Variants in MFHAS1 observed in about 807,000 individuals in gnomAD.
MFHAS1 encodes multifunctional ROCO family signaling regulator 1.
In MFHAS1, 50 loss-of-function variants were observed where a neutral mutation model predicts 70.4. The observed-to-expected ratio is 0.71, with a 90% CI of 0.57 to 0.90. MFHAS1 has a LOEUF of 0.90. MFHAS1 is among the 40% of genes least tolerant of loss of function. MFHAS1 has a pLI of 0.00. For missense variants in MFHAS1, 1,795 were observed against 1,347.6 expected (o/e 1.33, Z -5.20); for synonymous variants, 952 against 620.0 (o/e 1.54, Z -7.96).
At chr8:8,799,570 A>G (rs1806016765) in intron 1 of MFHAS1, among the ~76,000 whole-genome samples, 1 of 152,200 alleles carries the variant, frequency 6.6e-6, no homozygotes, top group African/African-American at 2.4e-5. Context: ...AGCCTGGCCA[A>G]CATGGTAAAA....
intron 1 of MFHAS1, among the ~76,000 whole-genome samples, chr8:8,820,475 C>T (rs1277863552): frequency 2.0e-5 from 3 of 152,194 alleles, no homozygotes; most frequent in Non-Finnish European, 4.4e-5. Flanking sequence ...TATTTGGTCC[C>T]AATTCCTTTA....
intron 1 of MFHAS1, among the ~76,000 whole-genome samples, chr8:8,839,786 G>C (rs141994216): frequency 6.6e-6 from 1 of 152,070 alleles, no homozygotes; most frequent in East Asian, 1.9e-4. Flanking sequence ...AAAGAGTAAC[G>C]GTCACCTGGC....
intron 1 of MFHAS1, among the ~76,000 whole-genome samples, chr8:8,806,924 G>A (rs1176386791): frequency 6.6e-6 from 1 of 151,858 alleles, no homozygotes; most frequent in East Asian, 1.9e-4. Flanking sequence ...TTGTGCCACT[G>A]CACTACAGCC....
chr8:8,863,187 G>T (rs1004647591), intron 1 of MFHAS1, among the ~76,000 whole-genome samples: 1 of 152,180 alleles, frequency 6.6e-6, no homozygotes, highest in Non-Finnish European at 1.5e-5. Context: ...CAATCTATCT[G>T]TTTATACTTA....
chr8:8,795,948 T>C (rs1805877295), intron 2 of MFHAS1, among the ~76,000 whole-genome samples: 1 of 152,226 alleles, frequency 6.6e-6, no homozygotes, highest in Non-Finnish European at 1.5e-5. Flanking sequence ...ATATGAATAC[T>C]ATGCTGGAGA....
intron 1 of MFHAS1, among the ~76,000 whole-genome samples, chr8:8,835,458 G>C (rs1807564521): frequency 6.6e-6 from 1 of 152,066 alleles, no homozygotes; most frequent in Non-Finnish European, 1.5e-5. Context: ...TGACTACAAG[G>C]TATCACAGCT....
chr8:8,892,342 A>G lies in MFHAS1; in HGVS notation c.717T>C (p.Leu239=). The G allele has an allele frequency of 6.2e-7, 1 of 1,611,748 alleles. No homozygotes were observed. The highest frequency in any genetic ancestry group is 8.5e-7 in the Non-Finnish European group (1 of 1,179,878). Residue 239 remains leucine, a synonymous_variant, in exon 1 of 3, where the codon CTT becomes CTC. Coordinates refer to ENST00000276282, the MANE Select transcript of MFHAS1 (RefSeq NM_004225.3). This position sits in a 1 kb window ranked among gnomAD's most constrained non-coding sequence, Gnocchi z 4.7. ...LKILWLSGAE[L]GTLPAGFCEL... is the part of the protein sequence containing the mutation. ...CGCAGAAGCCGGCGGGCAGCGTGCC[A>G]AGCTCGGCCCCACTCAGCCAGAGGA...
At position 8,892,756 on chromosome 8, in the gene MFHAS1, C is replaced by T; in HGVS notation, c.303G>A (p.Arg101=). 1 of 1,575,322 alleles carries T rather than the reference C, an allele frequency of 6.3e-7. No homozygotes were observed. Among genetic ancestry groups the T allele is most frequent in the African/African-American group, 1.4e-5 (1 of 73,974 alleles). Reference sequence around the variant, plus strand: ...CGAGCTCGGCCACCGCCGGGGGCAGCCGGGCGAAGCGGTTCCTGCGCAGGA... The same window carrying T: ...CGAGCTCGGCCACCGCCGGGGGCAGTCGGGCGAAGCGGTTCCTGCGCAGGA... ...VLVLRRNRFA[R]LPPAVAELGH... is the part of the protein sequence containing the mutation. The change falls in exon 1 of 3, where the codon CGG becomes CGA. Residue 101 remains arginine (R), a synonymous_variant. Coordinates refer to ENST00000276282, the MANE Select transcript of MFHAS1 (RefSeq NM_004225.3). This position sits in a 1 kb window ranked among gnomAD's most constrained non-coding sequence, Gnocchi z 4.7.
At chr8:8,859,555 T>G (rs1439383844) in intron 1 of MFHAS1, among the ~76,000 whole-genome samples, 1 of 152,140 alleles carries the variant, frequency 6.6e-6, no homozygotes, top group Admixed American at 6.5e-5. Context: ...CAACCCCTCC[T>G]CTTCTTCCTC....
At chr8:8,829,472 G>C (rs1312501739) in intron 1 of MFHAS1, among the ~76,000 whole-genome samples, 1 of 152,224 alleles carries the variant, frequency 6.6e-6, no homozygotes, top group Non-Finnish European at 1.5e-5. Flanking sequence ...CTTGAGGTCA[G>C]GAGTTCAAGA....
At chr8:8,801,667 T>C (rs1283964961) in intron 1 of MFHAS1, among the ~76,000 whole-genome samples, 1 of 152,210 alleles carries the variant, frequency 6.6e-6, no homozygotes, top group African/African-American at 2.4e-5. Context: ...GAACATAAAC[T>C]TGATCTTCAA....
At chr8:8,871,957 C>G (rs371904765) in intron 1 of MFHAS1, among the ~76,000 whole-genome samples, 1 of 152,178 alleles carries the variant, frequency 6.6e-6, no homozygotes. Context: ...CCTAGGAAAC[C>G]GTATCAACTC....
In MFHAS1 at chr8:8,892,430, T is replaced by C. The variant is rs751255453; in HGVS notation, c.629A>G (p.Asp210Gly). The C allele has an allele frequency of 6.2e-7, 1 of 1,611,754 alleles. No homozygotes were observed. Among genetic ancestry groups the C allele is most frequent in the South Asian group, 1.1e-5 (1 of 90,856 alleles). Reference protein sequence around the residue: ...LLQLVALEELDVSSNRLRGLP... With the variant: ...LLQLVALEELGVSSNRLRGLP... Reference sequence around the variant, plus strand: ...GCCCCGCAGCCGGTTGCTGGACACGTCCAGCTCCTCCAGGGCCACCAGCTG... The same window carrying C: ...GCCCCGCAGCCGGTTGCTGGACACGCCCAGCTCCTCCAGGGCCACCAGCTG... The change falls in exon 1 of 3, where the codon GAC becomes GGC. Residue 210 changes from aspartate to glycine, a missense_variant. Transcript: ENST00000276282. The surrounding 1 kb of genome is among the most constrained non-coding windows in gnomAD (Gnocchi z 4.7).
At chr8:8,880,573 C>G (rs1227389053) in intron 1 of MFHAS1, among the ~76,000 whole-genome samples, 1 of 152,176 alleles carries the variant, frequency 6.6e-6, no homozygotes, top group African/African-American at 2.4e-5. Flanking sequence ...CCTGCCTCCT[C>G]GCCCTTCTCC....
intron 1 of MFHAS1, among the ~76,000 whole-genome samples, chr8:8,801,358 C>T (rs918020192): frequency 6.6e-6 from 1 of 152,288 alleles, no homozygotes; most frequent in East Asian, 1.9e-4. Flanking sequence ...GACTGCCATC[C>T]ATGGAAACAG....
chr8:8,805,445 C>T (rs1280670448), intron 1 of MFHAS1, among the ~76,000 whole-genome samples: 1 of 152,108 alleles, frequency 6.6e-6, no homozygotes, highest in African/African-American at 2.4e-5. Flanking sequence ...TTGAGACAAT[C>T]TTGAGAGAGA....
intron 1 of MFHAS1, among the ~76,000 whole-genome samples, chr8:8,879,690 G>A (rs1440481758): frequency 6.6e-6 from 1 of 152,106 alleles, no homozygotes; most frequent in African/African-American, 2.4e-5. Flanking sequence ...TTCTCCATAT[G>A]GGGTCAGATT....
intron 1 of MFHAS1, among the ~76,000 whole-genome samples, chr8:8,847,957 C>A (rs913696783): frequency 8.5e-5 from 13 of 152,206 alleles, no homozygotes; most frequent in African/African-American, 3.1e-4. Flanking sequence ...CTGTGATGCA[C>A]ACATGTAACA....
chr8:8,853,640 C>T (rs555808990), intron 1 of MFHAS1, among the ~76,000 whole-genome samples: 1 of 152,278 alleles, frequency 6.6e-6, no homozygotes, highest in Admixed American at 6.5e-5. Context: ...AATCTCAGCT[C>T]ACTGCAAACT....
Sources: allele counts gnomAD v4.1 joint callset (sites outside exome capture counted in the v4.1 genomes callset), GRCh38; gene constraint gnomAD v4.1.1; non-coding constraint Gnocchi (gnomAD v3.1); transcripts MANE v1.5; gene names NCBI Gene and HGNC (gene_info 2026-07-23, HGNC 2026-07-21).